CD163L1: variants seen among roughly 807,000 people sequenced by gnomAD.
The protein encoded by CD163L1 is scavenger receptor cysteine-rich type 1 protein M160.
Under a neutral mutation model 165.4 loss-of-function variants are expected in CD163L1, and 124 were observed. The observed-to-expected ratio is 0.75, with a 90% CI of 0.65 to 0.87. CD163L1 has a LOEUF of 0.87. CD163L1 is among the 40% of genes least tolerant of loss of function. CD163L1 has a pLI of 0.00. For synonymous variants in CD163L1, 585 were observed against 662.2 expected, an observed-to-expected ratio of 0.88 and a Z score of 1.79; for missense variants, 1,525 against 1,799.9, an observed-to-expected ratio of 0.85 and a Z score of 2.76.
downstream of CD163L1, among the ~76,000 whole-genome samples, chr12:7,344,526 C>A (rs1304786523): frequency 6.6e-6 from 1 of 152,222 alleles, no homozygotes; most frequent in Non-Finnish European, 1.5e-5. Flanking sequence ...AGATTGAAAA[C>A]TGCTGGTGGA....
In CD163L1 at chr12:7,373,403, T is replaced by C. The variant is rs1418991183; in HGVS notation, c.3647A>G (p.His1216Arg). 3 of 1,614,182 alleles carry C rather than the reference T, an allele frequency of 1.9e-6. No individual in the cohort carries two copies. Among genetic ancestry groups the C allele is most frequent in the East Asian group, 2.2e-5 (1 of 44,886 alleles). The change falls in exon 14 of 20, where the codon CAT becomes CGT. Residue 1216 changes from histidine to arginine, a missense_variant. By Grantham distance (29) the His-to-Arg change is conservative. Coordinates refer to ENST00000313599, the MANE Select transcript of CD163L1 (RefSeq NM_174941.6). Reference protein sequence around the residue: ...WVDDIQCPKTHISIWQCLSAP... With the variant: ...WVDDIQCPKTRISIWQCLSAP... ...AGACAGGCACTGCCATATGGAGATA[T>C]GCGTTTTAGGACACTGAATGTCATC...
chr12:7,357,400 A>G lies in CD163L1; in HGVS notation c.*4T>C. ...CTTACCTGGTGAGCCCTGGAAGTCTAAAGTCATTTTGTGGCTTCAGAGGCA... is the reference window on the plus strand; with the variant it reads ...CTTACCTGGTGAGCCCTGGAAGTCTGAAGTCATTTTGTGGCTTCAGAGGCA... On this transcript the variant is annotated 3_prime_UTR_variant, in exon 19 of 20. Transcript: ENST00000313599. The G allele has an allele frequency of 1.2e-6, 2 of 1,611,620 alleles. No individual in the cohort carries two copies. The highest frequency in any genetic ancestry group is 1.7e-6 in the Non-Finnish European group (2 of 1,178,088).
the CD163L1 span, among the ~76,000 whole-genome samples, chr12:7,340,057 G>C: frequency 6.6e-6 from 1 of 152,108 alleles, no homozygotes; most frequent in Non-Finnish European, 1.5e-5. Flanking sequence ...TCAGCTCTAA[G>C]TTCCTTTTCT....
Position 7,414,866 on chromosome 12 carries a change from T to A in CD163L1, c.767-8014A>T, listed in dbSNP as rs779245402. 4.4e-4 allele frequency among the ~76,000 whole-genome samples: 67 copies of A among 152,296 alleles called. 1 individual carries two copies. The highest frequency in any genetic ancestry group is 1.6e-3 in the African/African-American group (65 of 41,584). On this transcript the variant is annotated intron_variant, in intron 4 of 19. Coordinates refer to ENST00000313599, the MANE Select transcript of CD163L1 (RefSeq NM_174941.6). ...CAAGAACATTATACTTGGTAAAGCT[T>A]AATTTCAGAAATGGAGAGATAAAGA...
At chr12:7,419,599 G>A (rs1423735815) in intron 4 of CD163L1, among the ~76,000 whole-genome samples, 3 of 151,986 alleles carry the variant, frequency 2.0e-5, no homozygotes, top group Non-Finnish European at 4.4e-5. Flanking sequence ...CATATACCTA[G>A]AAAACCCTAA....
intron 4 of CD163L1, among the ~76,000 whole-genome samples, chr12:7,349,544 G>A (rs1266396571): frequency 6.6e-6 from 1 of 152,070 alleles, no homozygotes; most frequent in Admixed American, 6.6e-5. Context: ...AAACATGACT[G>A]GAATAACAAA....
Position 7,421,376 on chromosome 12 carries a change from CATTTGGAAGAT to C in CD163L1, c.766+11029_766+11039del, listed in dbSNP as rs1423126527. On this transcript the variant is annotated intron_variant, in intron 4 of 19. Coordinates refer to ENST00000313599, the MANE Select transcript of CD163L1 (RefSeq NM_174941.6). ...ATATATGTGTATATATGTATATATACATTTGGAAGATATATATGTATATATATCTTCCAAAT... is the reference window on the plus strand; with the variant it reads ...ATATATGTGTATATATGTATATATACATATATGTATATATATCTTCCAAAT... 3.6e-4 allele frequency among the ~76,000 whole-genome samples: 30 copies of C among 83,088 alleles called. 1 individual carries two copies. Among genetic ancestry groups the C allele is most frequent in the East Asian group, 1.3e-3 (3 of 2,400 alleles). The allele number at this position is 83,088 out of a possible 152,430, so 54.5% of individuals were successfully genotyped here.
chr12:7,353,918 G>A (rs973674653), downstream of CD163L1, among the ~76,000 whole-genome samples: 6 of 151,904 alleles, frequency 3.9e-5, no homozygotes, highest in Admixed American at 2.0e-4. Flanking sequence ...AATTTTAATC[G>A]TTAAACTCTC....
At chr12:7,421,151 A>G (rs1270093406) in intron 4 of CD163L1, among the ~76,000 whole-genome samples, 1 of 121,566 alleles carries the variant, frequency 8.2e-6, no homozygotes, top group Admixed American at 9.3e-5. Context: ...ATATATGTGT[A>G]TAAATGTATA....
chr12:7,331,518 C>A, the CD163L1 span, among the ~76,000 whole-genome samples: 1 of 152,226 alleles, frequency 6.6e-6, no homozygotes, highest in African/African-American at 2.4e-5. Flanking sequence ...AGTAGCCTAA[C>A]TGGGAGGCAC....
At chr12:7,429,030 A>C (rs1375396674) in intron 4 of CD163L1, among the ~76,000 whole-genome samples, 1 of 152,076 alleles carries the variant, frequency 6.6e-6, no homozygotes, top group Non-Finnish European at 1.5e-5. Context: ...TTATGTGCCA[A>C]AATTGTTGAA....
At chr12:7,327,220 G>T in the CD163L1 span, 2 of 1,199,668 alleles carry the variant, frequency 1.7e-6, no homozygotes, top group Non-Finnish European at 2.3e-6. Context: ...TTTTCAATTT[G>T]TTTAACCCTA....
At chr12:7,355,716 TG>T (rs1424599529) in intron 19 of CD163L1, among the ~76,000 whole-genome samples, 3 of 152,134 alleles carry the variant, frequency 2.0e-5, no homozygotes, top group African/African-American at 7.2e-5. Flanking sequence ...TGAGGTCACA[TG>T]GGTGAGCCCT....
intron 2 of CD163L1, 82 bp downstream of exon 2, chr12:7,441,072 A>C: frequency 1.1e-6 from 1 of 927,748 alleles, no homozygotes; most frequent in Non-Finnish European, 1.7e-6. Context: ...ATTTCCCTCA[A>C]AATATGCACT....
intron 4 of CD163L1, among the ~76,000 whole-genome samples, chr12:7,415,630 T>C (rs138031667): frequency 6.6e-6 from 1 of 151,820 alleles, no homozygotes; most frequent in African/African-American, 2.4e-5. Flanking sequence ...CCAGTGTCCA[T>C]GTGTTCTCAC....
chr12:7,328,492 A>G, the CD163L1 span: 4 of 792,206 alleles, frequency 5.0e-6, no homozygotes, highest in South Asian at 2.8e-5. Flanking sequence ...TGAAAACTCA[A>G]CTGTTGATTT....
At chr12:7,356,886 T>C (rs1401020524) in intron 19 of CD163L1, among the ~76,000 whole-genome samples, 1 of 152,170 alleles carries the variant, frequency 6.6e-6, no homozygotes, top group East Asian at 1.9e-4. Flanking sequence ...TTCACTGCTA[T>C]TACGTTAATG....
At chr12:7,388,365 A>G (rs974380807) in intron 8 of CD163L1, among the ~76,000 whole-genome samples, 21 of 152,186 alleles carry the variant, frequency 1.4e-4, no homozygotes, top group African/African-American at 5.1e-4. Flanking sequence ...TTGCAAACAA[A>G]CTCTTCATCT....
At chr12:7,401,045 G>C (rs1947906560) in intron 6 of CD163L1, among the ~76,000 whole-genome samples, 1 of 152,106 alleles carries the variant, frequency 6.6e-6, no homozygotes. Flanking sequence ...TGTTATCAAG[G>C]AAGTAAGATT....
Sources: gnomAD v4.1 joint callset for allele counts (sites outside exome capture counted in the v4.1 genomes callset) on GRCh38, gnomAD v4.1.1 for gene constraint, MANE v1.5 for transcripts, NCBI Gene and HGNC (gene_info 2026-07-23, HGNC 2026-07-21) for gene names.